Variants in CLVS1 observed in about 807,000 individuals in gnomAD.
CLVS1 encodes clavesin 1, also known as clavesin-1.
Under a neutral mutation model 33.1 loss-of-function variants are expected in CLVS1, and 10 were observed. The ratio of observed to expected loss-of-function variants is 0.30; its 90% confidence interval spans 0.19 to 0.51. CLVS1 has a LOEUF of 0.51. Ranked by LOEUF, CLVS1 falls within the 20% of genes least tolerant of loss-of-function variation. The pLI is 0.97. For missense variants in CLVS1, 343 were observed against 433.4 expected (o/e 0.79, Z 1.85); for synonymous variants, 163 against 166.1 (o/e 0.98, Z 0.14).
intron 2 of CLVS1, among the ~76,000 whole-genome samples, chr8:61,373,603 T>C (rs912169126): frequency 6.6e-6 from 1 of 152,178 alleles, no homozygotes; most frequent in African/African-American, 2.4e-5. Flanking sequence ...ATCTTCAAAG[T>C]TAATTATTTC....
Position 61,500,253 on chromosome 8 carries a change from T to TGAG in CLVS1, c.*712_*714dup, listed in dbSNP as rs1489473148. The TGAG allele has an allele frequency of 1.3e-5, 2 of 152,274 alleles. No individual in the cohort carries two copies. The highest frequency in any genetic ancestry group is 6.5e-5 in the Admixed American group (1 of 15,278). The allele number at this position is 152,274 out of a possible 1,614,324, so 9.4% of individuals were successfully genotyped here. A position where few individuals can be genotyped will look rare whatever the true frequency, so the allele number is the denominator to read the frequency against. On this transcript the variant is annotated 3_prime_UTR_variant, in exon 6 of 6. Transcript: ENST00000325897. Reference sequence around the variant, plus strand: ...ATACGATTATTTCATCTGAGCAATGTGAGTTACCACAGGCAGCTCAAAAGC... The same window carrying TGAG: ...ATACGATTATTTCATCTGAGCAATGTGAGGAGTTACCACAGGCAGCTCAAAAGC...
At chr8:61,058,159 G>A (rs942440954) in intron 1 of CLVS1, among the ~76,000 whole-genome samples, 40 of 152,204 alleles carry the variant, frequency 2.6e-4, no homozygotes, top group South Asian at 1.0e-3. Context: ...TCCTGCTGGT[G>A]AGCTTATGAC....
the CLVS1 span, among the ~76,000 whole-genome samples, chr8:61,044,851 GAA>G: frequency 7.2e-5 from 11 of 152,200 alleles, no homozygotes; most frequent in Admixed American, 4.6e-4. Flanking sequence ...AAGGGGCATA[GAA>G]AAAGAGGAAC....
chr8:61,148,829 A>G (rs1251690659), intron 2 of CLVS1, among the ~76,000 whole-genome samples: 3 of 152,186 alleles, frequency 2.0e-5, no homozygotes, highest in African/African-American at 7.2e-5. Context: ...AAGAAGACTG[A>G]TGTGTGTGTG....
chr8:61,062,805 T>G (rs541926483), intron 1 of CLVS1, among the ~76,000 whole-genome samples: 1 of 152,222 alleles, frequency 6.6e-6, no homozygotes, highest in South Asian at 2.1e-4. Context: ...TGTCTGCGAT[T>G]AGGTTATTCA....
intron 3 of CLVS1, among the ~76,000 whole-genome samples, chr8:61,407,126 G>A (rs1423887195): frequency 6.6e-6 from 1 of 152,122 alleles, no homozygotes; most frequent in African/African-American, 2.4e-5. Context: ...ATCCCACAAG[G>A]GGAATTCCTC....
intron 2 of CLVS1, among the ~76,000 whole-genome samples, chr8:61,250,396 T>C (rs2129591568): frequency 1.3e-5 from 2 of 152,352 alleles, no homozygotes; most frequent in South Asian, 4.1e-4. Context: ...ATCTTGGCAA[T>C]GTGGGCTCTT....
At chr8:61,226,355 G>T (rs1464634324) in intron 2 of CLVS1, among the ~76,000 whole-genome samples, 2 of 152,180 alleles carry the variant, frequency 1.3e-5, no homozygotes, top group Non-Finnish European at 1.5e-5. Context: ...TTGTTCAAAG[G>T]TATTATTAAA....
At chr8:61,255,870 C>T (rs2349945) in intron 2 of CLVS1, among the ~76,000 whole-genome samples, 52,092 of 151,972 alleles carry the variant, frequency 0.34, 9,395 homozygotes, top group Admixed American at 0.39. Context: ...TTAAGGAATG[C>T]GTAATTCAAC....
intron 1 of CLVS1, among the ~76,000 whole-genome samples, chr8:61,105,584 C>G (rs1805518676): frequency 6.6e-6 from 1 of 152,166 alleles, no homozygotes; most frequent in Admixed American, 6.5e-5. Flanking sequence ...ATGGGGCCTT[C>G]CACACGCCAG....
At chr8:61,231,308 T>A (rs1050338656) in intron 2 of CLVS1, among the ~76,000 whole-genome samples, 4 of 136,804 alleles carry the variant, frequency 2.9e-5, no homozygotes, top group East Asian at 4.0e-4. Flanking sequence ...ACACACACAC[T>A]CTAATATTAG....
chr8:61,136,121 G>A (rs767041971), intron 2 of CLVS1, among the ~76,000 whole-genome samples: 45 of 152,222 alleles, frequency 3.0e-4, no homozygotes, highest in African/African-American at 1.1e-3. Context: ...TAGGCCTTCC[G>A]AATGACTGTG....
At chr8:61,308,801 G>A (rs1810729574) in intron 2 of CLVS1, among the ~76,000 whole-genome samples, 1 of 152,172 alleles carries the variant, frequency 6.6e-6, no homozygotes, top group African/African-American at 2.4e-5. Context: ...AAGGATCTAT[G>A]TTTGTACATG....
the CLVS1 span, among the ~76,000 whole-genome samples, chr8:60,981,993 C>T: frequency 6.6e-6 from 1 of 152,188 alleles, no homozygotes; most frequent in Admixed American, 6.5e-5. Flanking sequence ...CTGGATGCTT[C>T]CTATAATTTG....
chr8:61,362,343 T>A (rs1365936509), intron 2 of CLVS1, among the ~76,000 whole-genome samples: 1 of 152,164 alleles, frequency 6.6e-6, no homozygotes, highest in Non-Finnish European at 1.5e-5. Context: ...TTGGTCAGTC[T>A]CCCCTTACAG....
intron 2 of CLVS1, among the ~76,000 whole-genome samples, chr8:61,177,171 G>T (rs1807129894): frequency 6.6e-6 from 1 of 152,166 alleles, no homozygotes; most frequent in Non-Finnish European, 1.5e-5. Flanking sequence ...TGGACCTCTT[G>T]GTCCCAAGAG....
At chr8:61,302,921 C>T (rs549223751) in intron 2 of CLVS1, among the ~76,000 whole-genome samples, 1 of 152,198 alleles carries the variant, frequency 6.6e-6, no homozygotes, top group African/African-American at 2.4e-5. Context: ...CACTTTTAAA[C>T]GATCAGATCT....
intron 1 of CLVS1, among the ~76,000 whole-genome samples, chr8:61,102,766 G>A (rs1805473704): frequency 6.6e-6 from 1 of 151,968 alleles, no homozygotes; most frequent in South Asian, 2.1e-4. Flanking sequence ...TATGAATATA[G>A]GAAAAAGGAA....
intron 2 of CLVS1, among the ~76,000 whole-genome samples, chr8:61,301,400 G>A (rs1810426981): frequency 6.6e-6 from 1 of 152,096 alleles, no homozygotes. Flanking sequence ...GCCTACTGAT[G>A]CATCTTTATG....
Sources: gnomAD v4.1 joint callset for allele counts (sites outside exome capture counted in the v4.1 genomes callset) on GRCh38, gnomAD v4.1.1 for gene constraint, MANE v1.5 for transcripts, NCBI Gene and HGNC (gene_info 2026-07-23, HGNC 2026-07-21) for gene names.